CEP70: variants seen among roughly 807,000 people sequenced by gnomAD.
The protein encoded by CEP70 is centrosomal protein 70.
A neutral mutation model predicts 90.9 loss-of-function variants in CEP70; 70 were observed. The ratio of observed to expected loss-of-function variants is 0.77; its 90% CI spans 0.64 to 0.94. CEP70 has a LOEUF of 0.94. Ranked by LOEUF, CEP70 falls within the 40% of genes least tolerant of loss-of-function variation. The probability of loss-of-function intolerance (pLI) is 0.00; values close to 1 mark genes in which losing one functional copy is unlikely to be tolerated. For synonymous variants in CEP70, 220 were observed against 228.3 expected (o/e 0.96, Z 0.33); for missense variants, 648 against 669.0 (o/e 0.97, Z 0.35).
At chr3:138,587,240 G>A (rs1447421280) in intron 2 of CEP70, among the ~76,000 whole-genome samples, 1 of 151,420 alleles carries the variant, frequency 6.6e-6, no homozygotes, top group East Asian at 1.9e-4. Flanking sequence ...AATGAGTAAA[G>A]ACTACAGACA....
At position 138,556,672 on chromosome 3, in the gene CEP70, T is replaced by C. The variant is rs577437909; in HGVS notation, c.465+13646A>G. ...AAGAGAGAAATTTTAAAGCTGGGCG[T>C]CCGGGGGAGACATCACGTCGGTAGG... On this transcript the variant is annotated intron_variant, in intron 6 of 17. Transcript: ENST00000264982. 1.3e-3 allele frequency among the ~76,000 whole-genome samples: 191 copies of C among 151,632 alleles called. 1 individual carries two copies. The highest frequency in any genetic ancestry group is 2.0e-3 in the Non-Finnish European group (138 of 67,922).
intron 2 of CEP70, among the ~76,000 whole-genome samples, chr3:138,587,347 GC>G (rs1409172096): frequency 1.3e-5 from 2 of 151,884 alleles, no homozygotes; most frequent in African/African-American, 4.8e-5. Context: ...AGGCAAAGAA[GC>G]TCAAACATAC....
intron 13 of CEP70, 93 bp downstream of exon 13, chr3:138,505,202 C>G: frequency 9.9e-7 from 1 of 1,008,684 alleles, no homozygotes; most frequent in Admixed American, 2.9e-5. Context: ...AAATTAAACC[C>G]TATTTAATTT....
chr3:138,541,166 T>A (rs561642814), intron 6 of CEP70, among the ~76,000 whole-genome samples: 1 of 152,124 alleles, frequency 6.6e-6, no homozygotes. Flanking sequence ...ATAATCTGTA[T>A]AACAAACCCC....
rs2041079381 is a variant in CEP70 at position 138,570,335 on chromosome 3, C to T, written c.448G>A (p.Glu150Lys). ...QQNKIKDLQK[E>K]QKTLQVKCQH... ...CTCAGTACCTGTAAAGTTTTCTGCT[C>T]CTTTTGAAGATCTTTTATTTTATTC... The change falls in exon 6 of 18, where the codon GAG becomes AAG. Residue 150 changes from glutamate to lysine, a missense_variant. Coordinates refer to ENST00000264982, the MANE Select transcript of CEP70 (RefSeq NM_024491.4). 6.3e-7 allele frequency: 1 copy of T among 1,582,780 alleles called. No individual in the cohort carries two copies. The highest frequency in any genetic ancestry group is 1.9e-5 in the Admixed American group (1 of 51,546).
chr3:138,587,303 AGAAAT>A (rs778623913), intron 2 of CEP70, among the ~76,000 whole-genome samples: 3 of 152,016 alleles, frequency 2.0e-5, no homozygotes, highest in Non-Finnish European at 4.4e-5. Context: ...AAAATTAAAA[AGAAAT>A]GAAGAAGAAA....
At chr3:138,546,741 T>G (rs7640887) in intron 6 of CEP70, among the ~76,000 whole-genome samples, 1 of 151,464 alleles carries the variant, frequency 6.6e-6, no homozygotes, top group Admixed American at 6.6e-5. Context: ...AAAGCGAGTC[T>G]CCATCTCAAA....
At chr3:138,517,455 G>T (rs6784770) in intron 11 of CEP70, among the ~76,000 whole-genome samples, 1 of 145,494 alleles carries the variant, frequency 6.9e-6, no homozygotes, top group Non-Finnish European at 1.5e-5. Context: ...GGATCACGAG[G>T]TCAGGAGATC....
intron 17 of CEP70, among the ~76,000 whole-genome samples, chr3:138,495,422 C>G (rs936645216): frequency 2.0e-5 from 3 of 152,226 alleles, no homozygotes; most frequent in African/African-American, 7.2e-5. Flanking sequence ...GGTGCATCTA[C>G]ATGATGAAAT....
chr3:138,509,614 T>C (rs1304289415), intron 11 of CEP70, among the ~76,000 whole-genome samples: 1 of 152,200 alleles, frequency 6.6e-6, no homozygotes, highest in Non-Finnish European at 1.5e-5. Context: ...TCATTTTCCA[T>C]GGTTTTAGTT....
chr3:138,558,360 G>A (rs558702533), intron 6 of CEP70, among the ~76,000 whole-genome samples: 19 of 152,136 alleles, frequency 1.2e-4, no homozygotes, highest in East Asian at 3.9e-4. Flanking sequence ...GCAAGACTCC[G>A]TCTCAAAAAA....
intron 16 of CEP70, among the ~76,000 whole-genome samples, chr3:138,499,191 A>G (rs1478048575): frequency 2.0e-5 from 3 of 152,222 alleles, no homozygotes; most frequent in Non-Finnish European, 4.4e-5. Flanking sequence ...AAAACTTGCA[A>G]AACATATGGT....
intron 2 of CEP70, among the ~76,000 whole-genome samples, chr3:138,583,909 T>A (rs1188188340): frequency 2.0e-5 from 3 of 151,414 alleles, no homozygotes; most frequent in Non-Finnish European, 4.4e-5. Context: ...CAAACCAAAC[T>A]GAAAGTAGAA....
rs1044863028 is a variant in CEP70 at position 138,571,286 on chromosome 3, A to G, written c.140T>C (p.Val47Ala). The change falls in exon 4 of 18, where the codon GTC becomes GCC. Residue 47 changes from valine (V) to alanine (A), a missense_variant. By Grantham distance (64) the Val-to-Ala change is moderately conservative. Coordinates refer to ENST00000264982, the MANE Select transcript of CEP70 (RefSeq NM_024491.4). ...ATTACCTTTGAGATCTGTTCTTTTG[A>G]CTAGAGACAAAGGTTTTAAGCCATG... ...MMHGLKPLSLVKRTDLKDLII... is the reference protein window; with the variant it reads ...MMHGLKPLSLAKRTDLKDLII... 16 of 1,609,726 alleles carry G rather than the reference A, an allele frequency of 9.9e-6. No homozygotes were observed. The South Asian group carries it at 1.5e-4, about 16-fold the overall frequency.
At chr3:138,516,078 C>T (rs1473633471) in intron 11 of CEP70, among the ~76,000 whole-genome samples, 1 of 152,182 alleles carries the variant, frequency 6.6e-6, no homozygotes, top group Non-Finnish European at 1.5e-5. Context: ...CATCTCTTCT[C>T]CAAACTCATA....
At chr3:138,584,146 A>G (rs1231176148) in intron 2 of CEP70, among the ~76,000 whole-genome samples, 5 of 152,118 alleles carry the variant, frequency 3.3e-5, no homozygotes, top group Non-Finnish European at 7.4e-5. Context: ...GAGCAACTAT[A>G]TACCAATAAA....
chr3:138,529,634 T>C (rs546090377), intron 8 of CEP70, among the ~76,000 whole-genome samples, 172 bp from the exon 9 acceptor site: 5 of 152,380 alleles, frequency 3.3e-5, no homozygotes, highest in East Asian at 1.9e-4. Flanking sequence ...TCTAATATTA[T>C]AGTACATACA....
chr3:138,553,461 C>G (rs574582023), intron 6 of CEP70, among the ~76,000 whole-genome samples: 1 of 149,266 alleles, frequency 6.7e-6, no homozygotes, highest in African/African-American at 2.5e-5. Context: ...GCCTTGGCGA[C>G]AGAGAGAGAC....
intron 6 of CEP70, among the ~76,000 whole-genome samples, chr3:138,539,349 C>T (rs1295427386): frequency 6.6e-6 from 1 of 152,128 alleles, no homozygotes; most frequent in Non-Finnish European, 1.5e-5. Flanking sequence ...CATGTTATAT[C>T]TCTATATTCC....
Sources: allele counts gnomAD v4.1 joint callset (sites outside exome capture counted in the v4.1 genomes callset), GRCh38; gene constraint gnomAD v4.1.1; transcripts MANE v1.5; gene names NCBI Gene and HGNC (gene_info 2026-07-23, HGNC 2026-07-21).